ZC3HAV1: variants seen among roughly 807,000 people sequenced by gnomAD.
The protein encoded by ZC3HAV1 is zinc finger CCCH-type containing, antiviral 1, also known as zinc finger CCCH-type antiviral protein 1.
In ZC3HAV1, 41 loss-of-function variants were observed where a neutral mutation model predicts 86.6. The observed-to-expected ratio is 0.47, with a 90% confidence interval of 0.37 to 0.61. The LOEUF (loss-of-function observed/expected upper bound fraction) is 0.61, where lower values mean the gene tolerates loss of function less well. Ranked by LOEUF, ZC3HAV1 falls within the 20% of genes least tolerant of loss-of-function variation. The probability of loss-of-function intolerance (pLI) is 0.00; values close to 1 mark genes in which losing one functional copy is unlikely to be tolerated. For synonymous variants in ZC3HAV1, 421 were observed against 432.1 expected (o/e 0.97, Z 0.32); for missense variants, 964 against 1,141.1 (o/e 0.84, Z 2.24).
At chr7:139,050,493 G>C (rs750421806) in intron 12 of ZC3HAV1, among the ~76,000 whole-genome samples, 1 of 151,830 alleles carries the variant, frequency 6.6e-6, no homozygotes, top group Non-Finnish European at 1.5e-5. Context: ...TCAGCCTCTC[G>C]AGTAGCTAGG....
chr7:139,069,925 G>A (rs566389689), intron 7 of ZC3HAV1, among the ~76,000 whole-genome samples: 4 of 152,270 alleles, frequency 2.6e-5, no homozygotes, highest in African/African-American at 7.2e-5. Flanking sequence ...TAGCCTGTAC[G>A]CTGGCTCAAG....
intron 1 of ZC3HAV1, among the ~76,000 whole-genome samples, chr7:139,105,810 C>G (rs1429037241): frequency 3.3e-5 from 5 of 151,932 alleles, no homozygotes; most frequent in Non-Finnish European, 7.4e-5. Context: ...CTTAAACTCA[C>G]AAGTGGCAAG....
At position 139,109,310 on chromosome 7, in the gene ZC3HAV1, A is replaced by C. The variant is rs113181006; in HGVS notation, c.22T>G (p.Cys8Gly). 1.9e-6 allele frequency: 3 copies of C among 1,602,882 alleles called. No individual in the cohort carries two copies. In the Admixed American group the frequency reaches 5.0e-5, roughly 27 times the overall value. ...GCGCACAGGATTTTGGTGATGAAGC[A>C]GCACACCTCCGGGTCCGCCATGGCG... MADPEVCCFITKILCAHG... is the reference protein window; with the variant it reads MADPEVCGFITKILCAHG... Residue 8 changes from cysteine (C) to glycine (G), a missense_variant, in exon 1 of 13, where the codon TGC (cysteine) becomes GGC (glycine). Cys to Gly is a radical substitution (Grantham distance 159). Coordinates refer to ENST00000242351, the MANE Select transcript of ZC3HAV1 (RefSeq NM_020119.4).
chr7:139,102,078 A>G (rs1817790830), intron 1 of ZC3HAV1, among the ~76,000 whole-genome samples: 1 of 152,182 alleles, frequency 6.6e-6, no homozygotes, highest in Admixed American at 6.5e-5. Flanking sequence ...AAAGAAGCAT[A>G]TACCAAAATG....
intron 6 of ZC3HAV1, 61 bp from the exon 7 acceptor site, chr7:139,074,091 C>T (rs936073428): frequency 4.4e-5 from 66 of 1,507,616 alleles, no homozygotes; most frequent in South Asian, 1.1e-4. Flanking sequence ...TCTACAATCT[C>T]GTCTTCCCTA....
intron 6 of ZC3HAV1, among the ~76,000 whole-genome samples, chr7:139,075,082 G>T (rs72611548): frequency 1.2e-4 from 12 of 101,192 alleles, no homozygotes; most frequent in Non-Finnish European, 2.2e-4. Context: ...TGGTGGGGGG[G>T]TGGTGCTTCC....
At chr7:139,103,279 T>A (rs1202976734) in intron 1 of ZC3HAV1, among the ~76,000 whole-genome samples, 2 of 150,756 alleles carry the variant, frequency 1.3e-5, no homozygotes, top group South Asian at 2.1e-4. Flanking sequence ...TTTTATTTTT[T>A]TTTTATTTTT....
chr7:139,103,819 G>T (rs1382469621), intron 1 of ZC3HAV1, among the ~76,000 whole-genome samples: 4 of 152,110 alleles, frequency 2.6e-5, no homozygotes, highest in Non-Finnish European at 5.9e-5. Context: ...AATAAACTAG[G>T]TCCTTGTGTA....
At position 139,046,670 on chromosome 7, in the gene ZC3HAV1, A is replaced by G. The variant is rs562931577; in HGVS notation, c.*924T>C. On this transcript the variant is annotated 3_prime_UTR_variant, in exon 13 of 13. Coordinates refer to ENST00000242351, the MANE Select transcript of ZC3HAV1 (RefSeq NM_020119.4). ...GTAGCGATAAAGAAAAGGGTGCTCC[A>G]AATCAGTTTCATCAGAATGATAAGG... The G allele has an allele frequency of 2.0e-5, 3 of 152,354 alleles. No individual in the cohort carries two copies. The East Asian group carries it at 5.8e-4, about 29-fold the overall frequency. 9.4% of individuals were successfully genotyped at this position (152,354 alleles called of 1,614,324 possible).
chr7:139,109,449 G>C lies in ZC3HAV1; in HGVS notation c.-118C>G, dbSNP rs1818044527. On this transcript the variant is annotated 5_prime_UTR_variant, in exon 1 of 13. Coordinates refer to ENST00000242351, the MANE Select transcript of ZC3HAV1 (RefSeq NM_020119.4). ...GGCGGTGCTACTGCTGGGCGCGCCCGGAGTCAGCGAGGGCGCGCTCTCCGT... is the reference window on the plus strand; with the variant it reads ...GGCGGTGCTACTGCTGGGCGCGCCCCGAGTCAGCGAGGGCGCGCTCTCCGT... 1 of 1,314,458 alleles carries C rather than the reference G, an allele frequency of 7.6e-7. No homozygotes were observed. The highest frequency in any genetic ancestry group is 1.0e-6 in the Non-Finnish European group (1 of 993,966). The allele number at this position is 1,314,458 out of a possible 1,614,324, so 81.4% of individuals were successfully genotyped here. A position where few individuals can be genotyped will look rare whatever the true frequency, so the allele number is the denominator to read the frequency against.
chr7:139,072,396 G>A (rs1238552010), intron 7 of ZC3HAV1, among the ~76,000 whole-genome samples: 1 of 151,970 alleles, frequency 6.6e-6, no homozygotes, highest in Non-Finnish European at 1.5e-5. Context: ...ATGTTGGCCG[G>A]GCTGGTCTCG....
intron 9 of ZC3HAV1, among the ~76,000 whole-genome samples, chr7:139,057,371 T>G (rs202190469): frequency 0.047 from 1,186 of 25,068 alleles, 16 homozygotes; most frequent in African/African-American, 0.17. Flanking sequence ...AAAAAAAAAA[T>G]TTAGAGGTGA....
At chr7:139,066,226 G>C (rs1402915594) in intron 7 of ZC3HAV1, among the ~76,000 whole-genome samples, 1 of 152,168 alleles carries the variant, frequency 6.6e-6, no homozygotes, top group Non-Finnish European at 1.5e-5. Flanking sequence ...CCGTGGTGGA[G>C]AGGGGCTCAC....
intron 1 of ZC3HAV1, among the ~76,000 whole-genome samples, chr7:139,094,388 AATT>A (rs1004191614): frequency 5.3e-5 from 8 of 151,924 alleles, no homozygotes; most frequent in Non-Finnish European, 1.0e-4. Context: ...CTCTCCTACT[AATT>A]ATTATGAATT....
chr7:139,105,211 T>C, intron 1 of ZC3HAV1, among the ~76,000 whole-genome samples: 1 of 152,034 alleles, frequency 6.6e-6, no homozygotes, highest in East Asian at 1.9e-4. Flanking sequence ...AAGATCTCAT[T>C]TCTAAAGAAA....
chr7:139,063,027 C>CAAAAAAAAAAAAAAAAAAAAAAAAAAGA (rs58859916), intron 8 of ZC3HAV1, among the ~76,000 whole-genome samples: 1 of 68,102 alleles, frequency 1.5e-5, no homozygotes, highest in African/African-American at 5.4e-5. Flanking sequence ...GACTCTGTCT[C>CAAAAAAAAAAAAAAAAAAAAAAAAAAGA]AAAAAAAAAA....
Position 139,079,907 on chromosome 7 carries a change from C to G in ZC3HAV1, c.1034G>C (p.Gly345Ala). 6.2e-7 allele frequency: 1 copy of G among 1,614,186 alleles called. No individual in the cohort carries two copies. The highest frequency in any genetic ancestry group is 8.5e-7 in the Non-Finnish European group (1 of 1,180,032). ...TGAATTGGAAGCAAGGTAAGTGCTG[C>G]CTGGATTTCCATGCAAGAGGTCCTC... is the stretch of plus-strand genomic sequence containing the variant. ...SQEDLLHGNP[G>A]STYLASNSTS... Residue 345 changes from glycine (G) to alanine (A), a missense_variant, in exon 4 of 13, where the codon GGC becomes GCC. Transcript: ENST00000242351.
intron 9 of ZC3HAV1, chr7:139,060,831 A>AT: frequency 6.8e-7 from 1 of 1,469,240 alleles, no homozygotes; most frequent in Non-Finnish European, 9.0e-7. Flanking sequence ...CAGAAAGAAA[A>AT]TTCATTTTCC....
chr7:139,070,929 C>T (rs1816755592), intron 7 of ZC3HAV1, among the ~76,000 whole-genome samples: 1 of 151,780 alleles, frequency 6.6e-6, no homozygotes, highest in South Asian at 2.1e-4. Flanking sequence ...CTGCAGTGAG[C>T]CGAGATCACA....
Sources: gnomAD v4.1 joint callset for allele counts (sites outside exome capture counted in the v4.1 genomes callset) on GRCh38, gnomAD v4.1.1 for gene constraint, MANE v1.5 for transcripts, NCBI Gene and HGNC (gene_info 2026-07-23, HGNC 2026-07-21) for gene names.